Variants in CDH18 observed in about 807,000 individuals in gnomAD.
CDH18 encodes the protein cadherin-18.
A neutral mutation model predicts 67.9 loss-of-function variants in CDH18; 31 were observed. The ratio of observed to expected loss-of-function variants is 0.46; its 90% CI spans 0.34 to 0.62. CDH18 has a LOEUF of 0.62. CDH18 is among the 20% of genes least tolerant of loss of function. CDH18 has a pLI of 0.01. For missense variants in CDH18, 890 were observed against 975.5 expected (o/e 0.91, Z 1.17); for synonymous variants, 362 against 347.2 (o/e 1.04, Z -0.48).
chr5:20,568,752 C>A (rs148662806), intron 1 of CDH18, among the ~76,000 whole-genome samples: 3 of 152,056 alleles, frequency 2.0e-5, no homozygotes, highest in Non-Finnish European at 4.4e-5. Context: ...AGAAACTGGT[C>A]GTCTTATTTA....
intron 10 of CDH18, among the ~76,000 whole-genome samples, chr5:19,514,478 C>G (rs1225843886): frequency 6.6e-6 from 1 of 152,202 alleles, no homozygotes; most frequent in Non-Finnish European, 1.5e-5. Context: ...TAAAAGTGTT[C>G]CTATTTCTCC....
At chr5:19,579,462 AT>A (rs977586399) in intron 7 of CDH18, among the ~76,000 whole-genome samples, 4 of 149,514 alleles carry the variant, frequency 2.7e-5, no homozygotes, top group East Asian at 3.9e-4. Context: ...ATTTTTGTTT[AT>A]TTTTTTTCTA....
intron 5 of CDH18, among the ~76,000 whole-genome samples, chr5:19,692,108 G>T (rs1485995362): frequency 2.6e-5 from 4 of 151,846 alleles, no homozygotes; most frequent in African/African-American, 9.7e-5. Context: ...TTTTAAGAAA[G>T]GTACCAAGAA....
chr5:20,070,460 G>T (rs924177252), intron 2 of CDH18, among the ~76,000 whole-genome samples: 1 of 152,118 alleles, frequency 6.6e-6, no homozygotes, highest in Admixed American at 6.5e-5. Context: ...AGGTATGTTT[G>T]TCTCCAACTG....
intron 1 of CDH18, among the ~76,000 whole-genome samples, chr5:20,382,599 A>T (rs1325923364): frequency 6.6e-6 from 1 of 152,246 alleles, no homozygotes; most frequent in Non-Finnish European, 1.5e-5. Flanking sequence ...TGGGTAAGAA[A>T]ATAAACATCT....
intron 1 of CDH18, among the ~76,000 whole-genome samples, chr5:20,422,955 A>G (rs1300069279): frequency 2.0e-5 from 3 of 151,088 alleles, no homozygotes; most frequent in African/African-American, 7.4e-5. Context: ...GCACAGGTAG[A>G]CCCTCAAATC....
intron 5 of CDH18, among the ~76,000 whole-genome samples, chr5:19,713,677 C>T (rs533864140): frequency 1.1e-4 from 17 of 152,104 alleles, no homozygotes; most frequent in African/African-American, 3.4e-4. Context: ...TTTGGAAATA[C>T]AATTATCTAA....
At chr5:20,319,517 G>A (rs928003020) in intron 1 of CDH18, among the ~76,000 whole-genome samples, 20 of 152,040 alleles carry the variant, frequency 1.3e-4, no homozygotes, top group Non-Finnish European at 1.2e-4. Context: ...TTTTAAATAC[G>A]TTTTCATATT....
Position 20,469,059 on chromosome 5 carries a change from G to A in CDH18, c.-580+106403C>T, listed in dbSNP as rs537507664. Among the ~76,000 whole-genome samples, 13 of 152,292 alleles carry A rather than the reference G, an allele frequency of 8.5e-5. No homozygotes were observed. In the South Asian group the frequency reaches 2.3e-3, roughly 27 times the overall value. ...TTCTAGCCTCTTTGCAACACAGTAT[G>A]TAACGGTAATGGTGGCAACAGGAAG... On this transcript the variant is annotated intron_variant, in intron 1 of 14. Coordinates refer to the CDH18 transcript ENST00000507958.
chr5:19,801,084 C>G, intron 3 of CDH18, among the ~76,000 whole-genome samples: 1 of 152,028 alleles, frequency 6.6e-6, no homozygotes, highest in African/African-American at 2.4e-5. Flanking sequence ...TGCACTCCAG[C>G]CTGGGCAACA....
At chr5:20,327,715 T>A (rs779791574) in intron 1 of CDH18, among the ~76,000 whole-genome samples, 49 of 152,018 alleles carry the variant, frequency 3.2e-4, no homozygotes, top group Admixed American at 9.2e-4. Flanking sequence ...AGCTAAGGTA[T>A]CCCTGGGACT....
chr5:20,146,689 A>C (rs1750675966), intron 2 of CDH18, among the ~76,000 whole-genome samples: 1 of 151,982 alleles, frequency 6.6e-6, no homozygotes, highest in Non-Finnish European at 1.5e-5. Flanking sequence ...ACAAACAAAA[A>C]TATTATCAAG....
intron 1 of CDH18, among the ~76,000 whole-genome samples, chr5:20,276,086 T>C (rs1176359436): frequency 6.6e-6 from 1 of 152,164 alleles, no homozygotes; most frequent in Non-Finnish European, 1.5e-5. Flanking sequence ...AGGTTCTAAA[T>C]AATCTTGAAA....
chr5:20,070,709 C>T (rs1393642036), intron 2 of CDH18, among the ~76,000 whole-genome samples: 1 of 152,094 alleles, frequency 6.6e-6, no homozygotes. Context: ...TTGCAGAGAA[C>T]AAATGTAAAC....
chr5:20,351,758 T>C (rs74460683), intron 1 of CDH18, among the ~76,000 whole-genome samples: 3,282 of 152,256 alleles, frequency 0.022, 84 homozygotes, highest in African/African-American at 0.056. Flanking sequence ...GGTTGGCTAT[T>C]GGAATCAAAA....
chr5:20,018,202 C>T (rs1300710733), intron 2 of CDH18, among the ~76,000 whole-genome samples: 1 of 152,098 alleles, frequency 6.6e-6, no homozygotes, highest in African/African-American at 2.4e-5. Flanking sequence ...CAGACCTGGG[C>T]CCATGTGGCA....
chr5:20,311,106 A>G (rs376113244), intron 1 of CDH18, among the ~76,000 whole-genome samples: 49 of 152,232 alleles, frequency 3.2e-4, no homozygotes, highest in South Asian at 1.0e-3. Context: ...AAACAAAAAC[A>G]AACAAAAAAA....
In CDH18 at chr5:20,304,817, A is replaced by G; in HGVS notation, c.-579-49312T>C. The G allele has an allele frequency of 2.5e-6, 4 of 1,611,234 alleles. No homozygotes were observed. The South Asian group carries it at 4.4e-5, about 18-fold the overall frequency. On this transcript the variant is annotated intron_variant, in intron 1 of 14. Coordinates refer to the CDH18 transcript ENST00000507958. ...CGTGTTTCAGCCGCAGCTTTGTTAG[A>G]TTCACTTTCAGAATTCCTGCCACTG...
At chr5:20,349,773 A>G (rs917015441) in intron 1 of CDH18, among the ~76,000 whole-genome samples, 2 of 152,132 alleles carry the variant, frequency 1.3e-5, no homozygotes, top group African/African-American at 4.8e-5. Flanking sequence ...CAGACCTAAG[A>G]AGAAATCATA....
Sources: gnomAD v4.1 joint callset for allele counts (sites outside exome capture counted in the v4.1 genomes callset) on GRCh38, gnomAD v4.1.1 for gene constraint, MANE v1.5 for transcripts, NCBI Gene and HGNC (gene_info 2026-07-23, HGNC 2026-07-21) for gene names.